The following TRAF3IP2 variants were observed in gnomAD, a reference collection of about 807,000 sequenced individuals.
TRAF3IP2 encodes TRAF3 interacting protein 2.
A neutral mutation model predicts 57.9 loss-of-function variants in TRAF3IP2; 35 were observed. The ratio of observed to expected loss-of-function variants is 0.60; its 90% confidence interval spans 0.46 to 0.80. The LOEUF is 0.80. Ranked by LOEUF, TRAF3IP2 falls within the 30% of genes least tolerant of loss-of-function variation. The pLI is 0.00. For missense variants in TRAF3IP2, 556 were observed against 706.4 expected (o/e 0.79, Z 2.41); for synonymous variants, 251 against 268.9 (o/e 0.93, Z 0.65).
At chr6:111,566,583 C>T (rs765533894) in intron 6 of TRAF3IP2, 23 bp from the exon 7 acceptor site, 2 of 1,599,038 alleles carry the variant, frequency 1.3e-6, no homozygotes, top group South Asian at 2.2e-5. Flanking sequence ...GGGAGAAAGG[C>T]ATGTTTATGG....
At chr6:111,592,496 GT>G (rs984760887) in intron 1 of TRAF3IP2, among the ~76,000 whole-genome samples, 2 of 152,116 alleles carry the variant, frequency 1.3e-5, no homozygotes, top group Non-Finnish European at 1.5e-5. Flanking sequence ...GATATATTGA[GT>G]TTTTTTTAAA....
intron 4 of TRAF3IP2, 83 bp from the exon 5 acceptor site, chr6:111,573,066 T>C: frequency 9.0e-7 from 1 of 1,114,064 alleles, no homozygotes; most frequent in East Asian, 2.5e-5. Context: ...GCAATATCTT[T>C]TGTCCTTCTA....
chr6:111,584,877 C>T (rs1486440138), intron 2 of TRAF3IP2, among the ~76,000 whole-genome samples: 3 of 152,114 alleles, frequency 2.0e-5, no homozygotes, highest in African/African-American at 7.2e-5. Flanking sequence ...TTCAATTTTC[C>T]ATTTTCATAA....
intron 1 of TRAF3IP2, among the ~76,000 whole-genome samples, chr6:111,604,009 G>T (rs1343375543): frequency 6.6e-6 from 1 of 152,180 alleles, no homozygotes; most frequent in Non-Finnish European, 1.5e-5. Context: ...GTGCATCGTT[G>T]TTTGAAAATA....
In TRAF3IP2 at chr6:111,559,120, T is replaced by G; in HGVS notation, c.*285A>C. 4 of 348,674 alleles carry G rather than the reference T, an allele frequency of 1.1e-5. No homozygotes were observed. Among genetic ancestry groups the G allele is most frequent in the South Asian group, 7.5e-5 (1 of 13,310 alleles). 21.6% of individuals were successfully genotyped at this position (348,674 alleles called of 1,614,324 possible). A position where few individuals can be genotyped will look rare whatever the true frequency, so the allele number is the denominator to read the frequency against. ...TTGCTAAGCACTGAGAGGCCCAGAA[T>G]GGACACATCAAACTGTCAGGAGGAA... On this transcript the variant is annotated 3_prime_UTR_variant, in exon 9 of 9. Transcript: ENST00000368761.
chr6:111,563,045 A>G lies in TRAF3IP2; in HGVS notation c.1477-6T>C. ...TTTATGAACTCAATCTGCATCTGAA[A>G]CCAAACAAATGTGAAGGTTTAATTT... On this transcript the variant is annotated splice_region_variant and splice_polypyrimidine_tract_variant and intron_variant, in intron 7 of 8. Coordinates refer to ENST00000368761, the MANE Select transcript of TRAF3IP2 (RefSeq NM_147686.4). The G allele has an allele frequency of 6.2e-7, 1 of 1,609,244 alleles. No homozygotes were observed. The highest frequency in any genetic ancestry group is 8.5e-7 in the Non-Finnish European group (1 of 1,176,722).
chr6:111,574,725 C>T (rs530819309), intron 4 of TRAF3IP2: 4 of 152,254 alleles, frequency 2.6e-5, no homozygotes, highest in Admixed American at 2.0e-4. Context: ...GACAAGTCCA[C>T]TCAAGAGCAT....
chr6:111,598,618 G>T (rs1164453461), intron 1 of TRAF3IP2, among the ~76,000 whole-genome samples: 3 of 152,226 alleles, frequency 2.0e-5, no homozygotes, highest in Non-Finnish European at 4.4e-5. Flanking sequence ...ATATAAGGTC[G>T]TATATCTGCC....
chr6:111,568,394 A>G (rs1175276529), intron 5 of TRAF3IP2, among the ~76,000 whole-genome samples: 1 of 146,082 alleles, frequency 6.8e-6, no homozygotes, highest in Non-Finnish European at 1.5e-5. Flanking sequence ...AAGAAACCAA[A>G]TAAGAAGGCC....
chr6:111,598,081 C>T (rs1233627763), intron 1 of TRAF3IP2: 2 of 358,512 alleles, frequency 5.6e-6, no homozygotes, highest in Non-Finnish European at 1.1e-5. Flanking sequence ...GGCTGGAGGG[C>T]GAAGAAGCCC....
intron 1 of TRAF3IP2, among the ~76,000 whole-genome samples, chr6:111,597,206 G>A (rs191395108): frequency 6.6e-6 from 1 of 152,178 alleles, no homozygotes; most frequent in East Asian, 1.9e-4. Flanking sequence ...CCCACTATGT[G>A]TCAAGCACCC....
rs976818156 is a variant in TRAF3IP2 at position 111,591,203 on chromosome 6, C to T, written c.829+55G>A. ...TGACACGAAGCATTGATGTGAGGCCCTTGTTTCTTCAGTCACCCAGCCCAG... is the reference window on the plus strand; with the variant it reads ...TGACACGAAGCATTGATGTGAGGCCTTTGTTTCTTCAGTCACCCAGCCCAG... On this transcript the variant is annotated intron_variant, in intron 2 of 8. Coordinates refer to ENST00000368761, the MANE Select transcript of TRAF3IP2 (RefSeq NM_147686.4). The surrounding 1 kb of genome is among the most constrained non-coding windows in gnomAD (Gnocchi z 4.9). 1.5e-6 allele frequency: 2 copies of T among 1,378,528 alleles called. No individual in the cohort carries two copies. Among genetic ancestry groups the T allele is most frequent in the Middle Eastern group, 2.0e-4 (1 of 5,124 alleles). The allele number at this position is 1,378,528 out of a possible 1,614,324, so 85.4% of individuals were successfully genotyped here. A position where few individuals can be genotyped will look rare whatever the true frequency, so the allele number is the denominator to read the frequency against.
intron 5 of TRAF3IP2, among the ~76,000 whole-genome samples, chr6:111,571,232 C>A (rs1029192502): frequency 1.3e-5 from 2 of 152,120 alleles, no homozygotes; most frequent in Non-Finnish European, 2.9e-5. Context: ...TGTGCCACCA[C>A]ACTCGGCTAA....
chr6:111,594,668 A>G, intron 1 of TRAF3IP2: 1 of 299,480 alleles, frequency 3.3e-6, no homozygotes, highest in South Asian at 2.8e-5. Context: ...TAACCCCAGC[A>G]CTTTGCAGGC....
In TRAF3IP2 at chr6:111,591,834, T is replaced by A; in HGVS notation, c.253A>T (p.Thr85Ser). 1 of 1,614,186 alleles carries A rather than the reference T, an allele frequency of 6.2e-7. No individual in the cohort carries two copies. ...PVSRQVTCLR[T>S]QVLEDSEDSF... is the part of the protein sequence containing the mutation. ...TCTTCACTGTCCTCCAGAACTTGAG[T>A]GCGCAGGCAGGTGACCTGCCGGGAT... The change falls in exon 2 of 9, where the codon ACT (threonine) becomes TCT (serine). Residue 85 changes from threonine (T) to serine (S), a missense_variant. Physicochemically the swap from Thr to Ser is moderately conservative, Grantham distance 58. Around this residue, in one of 2 missense-constraint regions of TRAF3IP2, gnomAD observed 428 missense variants for 498.7 expected, o/e 0.86. Coordinates refer to ENST00000368761, the MANE Select transcript of TRAF3IP2 (RefSeq NM_147686.4). This position sits in a 1 kb window ranked among gnomAD's most constrained non-coding sequence, Gnocchi z 4.9.
intron 3 of TRAF3IP2, among the ~76,000 whole-genome samples, chr6:111,579,082 G>T (rs1796079952): frequency 6.6e-6 from 1 of 152,090 alleles, no homozygotes; most frequent in Admixed American, 6.5e-5. Flanking sequence ...TGCAATCCCA[G>T]CACTTTGGGA....
Position 111,604,951 on chromosome 6 carries a change from A to G in TRAF3IP2, c.-9+825T>C, listed in dbSNP as rs60853993. 8.2e-3 allele frequency among the ~76,000 whole-genome samples: 1,248 copies of G among 152,236 alleles called. 25 individuals are homozygous for G. Among genetic ancestry groups the G allele is most frequent in the African/African-American group, 0.028 (1,175 of 41,534 alleles). ...TCATGTTAGATCACCACCCCCCATC[A>G]ATTTACTGATGAAGAAATCCAGGCT... On this transcript the variant is annotated intron_variant, in intron 1 of 8. Coordinates refer to ENST00000368761, the MANE Select transcript of TRAF3IP2 (RefSeq NM_147686.4).
chr6:111,580,122 T>G (rs555015098), intron 3 of TRAF3IP2, 75 bp downstream of exon 3: 1 of 1,526,860 alleles, frequency 6.5e-7, no homozygotes, highest in African/African-American at 1.4e-5. Flanking sequence ...TAGAGAATTC[T>G]GTTACATCTT....
At position 111,566,057 on chromosome 6, in the gene TRAF3IP2, A is replaced by G. The variant is rs73767610; in HGVS notation, c.1476+387T>C. Among the ~76,000 whole-genome samples the G allele has an allele frequency of 2.0e-3, 307 of 152,194 alleles. 2 individuals are homozygous for G. The highest frequency in any genetic ancestry group is 6.8e-3 in the African/African-American group (283 of 41,548). On this transcript the variant is annotated intron_variant, in intron 7 of 8. Coordinates refer to ENST00000368761, the MANE Select transcript of TRAF3IP2 (RefSeq NM_147686.4). ...TTTCACTACGCCACCTGCCTTTCTG[A>G]AAAGGTAGGGCACAGAACATGATAC...
Sources: gnomAD v4.1 joint callset for allele counts (sites outside exome capture counted in the v4.1 genomes callset) on GRCh38, gnomAD v4.1.1 for gene constraint, gnomAD v4.1.1 regional missense constraint, Gnocchi (gnomAD v3.1) non-coding constraint, MANE v1.5 for transcripts, NCBI Gene and HGNC (gene_info 2026-07-23, HGNC 2026-07-21) for gene names.